Variants in CAB39 observed in about 807,000 individuals in gnomAD.
CAB39 encodes calcium binding protein 39, also known as calcium-binding protein 39.
A neutral mutation model predicts 40.0 loss-of-function variants in CAB39; 8 were observed. The observed-to-expected ratio is 0.20, with a 90% CI of 0.12 to 0.36. The LOEUF (loss-of-function observed/expected upper bound fraction) is 0.36, where lower values mean the gene tolerates loss of function less well. Ranked by LOEUF, CAB39 falls within the 10% of genes least tolerant of loss-of-function variation. The pLI, the probability that CAB39 is intolerant of heterozygous loss-of-function variation, is 1.00. For missense variants in CAB39, 270 were observed against 401.1 expected (o/e 0.67, Z 2.79); for synonymous variants, 156 against 141.6 (o/e 1.10, Z -0.72).
At chr2:230,732,864 A>G (rs1694719192) in intron 1 of CAB39, among the ~76,000 whole-genome samples, 2 of 152,218 alleles carry the variant, frequency 1.3e-5, no homozygotes, top group Admixed American at 6.5e-5. Context: ...ATTTCATGAC[A>G]TAGGCATAAT....
chr2:230,763,002 TC>T (rs375297642), intron 2 of CAB39, among the ~76,000 whole-genome samples: 1 of 152,242 alleles, frequency 6.6e-6, no homozygotes, highest in Non-Finnish European at 1.5e-5. Flanking sequence ...CAAAAGAGAT[TC>T]GTGTAAGTAT....
intron 6 of CAB39, among the ~76,000 whole-genome samples, chr2:230,811,798 C>T (rs1021214712): frequency 6.6e-6 from 1 of 152,244 alleles, no homozygotes; most frequent in African/African-American, 2.4e-5. Context: ...AAAGATTTTT[C>T]AACATACTAG....
intron 6 of CAB39, among the ~76,000 whole-genome samples, chr2:230,813,169 C>T (rs1020208379): frequency 2.0e-5 from 3 of 152,176 alleles, no homozygotes; most frequent in African/African-American, 7.2e-5. Flanking sequence ...AACAGACAGA[C>T]AAAAAATAAA....
intron 1 of CAB39, among the ~76,000 whole-genome samples, chr2:230,724,423 T>A (rs1694516256): frequency 6.6e-6 from 1 of 152,148 alleles, no homozygotes; most frequent in Non-Finnish European, 1.5e-5. Flanking sequence ...GGCTCGCCCC[T>A]GTAATCCCAG....
At position 230,760,068 on chromosome 2, in the gene CAB39, A is replaced by G. The variant is rs764095669; in HGVS notation, c.67A>G (p.Met23Val). Residue 23 changes from methionine to valine, a missense_variant, in exon 2 of 9, where the codon ATG becomes GTG. Physicochemically the swap from Met to Val is conservative, Grantham distance 21 (BLOSUM62 1). Transcript: ENST00000258418. ...CATTGTGAAGAATCTGAAGGAGAGC[A>G]TGGCTGTTCTGGAAAAGCAAGACAT... ...ADIVKNLKES[M>V]AVLEKQDISD... is the part of the protein sequence containing the mutation. 6.2e-7 allele frequency: 1 copy of G among 1,613,886 alleles called. No individual in the cohort carries two copies. The highest frequency in any genetic ancestry group is 1.3e-5 in the African/African-American group (1 of 75,064).
intron 2 of CAB39, among the ~76,000 whole-genome samples, chr2:230,789,837 G>T (rs1695862868): frequency 6.6e-6 from 1 of 152,198 alleles, no homozygotes; most frequent in South Asian, 2.1e-4. Context: ...CCCCGTCCTG[G>T]TGCTGTGGCC....
intron 1 of CAB39, among the ~76,000 whole-genome samples, chr2:230,748,831 A>AAAAAATATATAT (rs1386799920): frequency 7.4e-4 from 21 of 28,498 alleles, no homozygotes; most frequent in South Asian, 3.1e-3. Flanking sequence ...AAAAAAAAAA[A>AAAAAATATATAT]ATATATATAT....
chr2:230,773,312 A>ATGTGTGTG (rs1321034177), intron 2 of CAB39, among the ~76,000 whole-genome samples: 2,652 of 84,882 alleles, frequency 0.031, 29 homozygotes, highest in Non-Finnish European at 0.041. Context: ...ATATATATAT[A>ATGTGTGTG]TATGTGTGTG....
intron 2 of CAB39, among the ~76,000 whole-genome samples, chr2:230,788,354 A>G (rs1016819481): frequency 6.6e-6 from 1 of 152,038 alleles, no homozygotes; most frequent in Non-Finnish European, 1.5e-5. Context: ...AGAACCTGAC[A>G]ACATTATACC....
chr2:230,770,072 T>C (rs1219669355), intron 2 of CAB39, among the ~76,000 whole-genome samples: 1 of 152,072 alleles, frequency 6.6e-6, no homozygotes, highest in Non-Finnish European at 1.5e-5. Context: ...TGTTAAAATA[T>C]ATTTAAAAAG....
chr2:230,798,785 G>A lies in CAB39; in HGVS notation c.455G>A (p.Arg152Lys). 1 of 1,610,768 alleles carries A rather than the reference G, an allele frequency of 6.2e-7. No homozygotes were observed. Among genetic ancestry groups the A allele is most frequent in the Non-Finnish European group, 8.5e-7 (1 of 1,178,476 alleles). Residue 152 changes from arginine (R) to lysine (K), a missense_variant, in exon 5 of 9, where the codon AGA (arginine) becomes AAA (lysine). By Grantham distance (26) the Arg-to-Lys change is conservative. Coordinates refer to ENST00000258418, the MANE Select transcript of CAB39 (RefSeq NM_016289.4). ...GGAATAATGTTAAGAGAATGCATCA[G>A]ACATGAACCACTTGCAAAAATCATT... ...NCGIMLRECI[R>K]HEPLAKIILW... is the part of the protein sequence containing the mutation.
chr2:230,755,762 G>A (rs1300441642), intron 1 of CAB39, among the ~76,000 whole-genome samples: 1 of 152,200 alleles, frequency 6.6e-6, no homozygotes, highest in African/African-American at 2.4e-5. Flanking sequence ...GTGGATTTGT[G>A]TTATTCCCTT....
At chr2:230,746,646 A>G (rs976614948) in intron 1 of CAB39, among the ~76,000 whole-genome samples, 3 of 152,226 alleles carry the variant, frequency 2.0e-5, no homozygotes, top group African/African-American at 7.2e-5. Context: ...TAGAGAAATT[A>G]TAGGCACTTT....
intron 2 of CAB39, among the ~76,000 whole-genome samples, chr2:230,785,191 G>C (rs920956223): frequency 1.3e-5 from 2 of 152,094 alleles, no homozygotes; most frequent in African/African-American, 2.4e-5. Context: ...CTTTGAAAAA[G>C]AACTTCCCCA....
intron 7 of CAB39, among the ~76,000 whole-genome samples, chr2:230,815,389 T>G (rs1333130141): frequency 6.6e-6 from 1 of 152,206 alleles, no homozygotes; most frequent in African/African-American, 2.4e-5. Flanking sequence ...GAGTTTCTCC[T>G]CCCTGGACAT....
chr2:230,722,867 A>T (rs1002693263), intron 1 of CAB39, among the ~76,000 whole-genome samples: 1 of 152,184 alleles, frequency 6.6e-6, no homozygotes, highest in African/African-American at 2.4e-5. Flanking sequence ...GCCCTCTGAA[A>T]TAGTAAGTTT....
At chr2:230,749,446 G>A (rs542556079) in intron 1 of CAB39, among the ~76,000 whole-genome samples, 8 of 152,066 alleles carry the variant, frequency 5.3e-5, no homozygotes, top group Admixed American at 1.3e-4. Flanking sequence ...TAGAAAAAAA[G>A]TATTATATGG....
intron 1 of CAB39, among the ~76,000 whole-genome samples, chr2:230,719,671 T>G (rs1694411477): frequency 6.6e-6 from 1 of 152,204 alleles, no homozygotes; most frequent in Non-Finnish European, 1.5e-5. Context: ...CTGGGCTGGG[T>G]CCTGACTCCA....
chr2:230,803,064 A>G (rs1158976322), intron 5 of CAB39, among the ~76,000 whole-genome samples: 1 of 152,228 alleles, frequency 6.6e-6, no homozygotes, highest in Non-Finnish European at 1.5e-5. Flanking sequence ...ACCACGATCA[A>G]GTGGGCTTCA....
Sources: gnomAD v4.1 joint callset for allele counts (sites outside exome capture counted in the v4.1 genomes callset) on GRCh38, gnomAD v4.1.1 for gene constraint, MANE v1.5 for transcripts, NCBI Gene and HGNC (gene_info 2026-07-23, HGNC 2026-07-21) for gene names.